The following LRRC3B variants were observed in gnomAD, a reference collection of about 807,000 sequenced individuals.
The protein encoded by LRRC3B is leucine-rich repeat-containing protein 3B.
In LRRC3B, 2 loss-of-function variants were observed where a neutral mutation model predicts 12.8. That is an observed-to-expected ratio of 0.16 (90% CI 0.06 to 0.49). LRRC3B has a LOEUF of 0.49. LRRC3B is among the 20% of genes least tolerant of loss of function. The pLI is 0.96. For missense variants in LRRC3B, 189 were observed against 319.4 expected (o/e 0.59, Z 3.11); for synonymous variants, 132 against 122.0 (o/e 1.08, Z -0.54).
At chr3:26,663,308 T>C (rs1228954791) in intron 1 of LRRC3B, among the ~76,000 whole-genome samples, 1 of 152,212 alleles carries the variant, frequency 6.6e-6, no homozygotes, top group Non-Finnish European at 1.5e-5. Context: ...ACATTAATCA[T>C]GTTTTTCATT....
At chr3:26,671,401 G>GAGAGAGAGAA (rs1699741099) in intron 1 of LRRC3B, among the ~76,000 whole-genome samples, 2 of 129,132 alleles carry the variant, frequency 1.5e-5, no homozygotes, top group Non-Finnish European at 3.2e-5. Context: ...GAGAGAGAGA[G>GAGAGAGAGAA]AGAGAGAGAG....
intron 1 of LRRC3B, among the ~76,000 whole-genome samples, chr3:26,657,288 A>G (rs1361002948): frequency 6.6e-6 from 1 of 152,232 alleles, no homozygotes; most frequent in Non-Finnish European, 1.5e-5. Context: ...TATAAACTCT[A>G]TGAGAGAACA....
At chr3:26,710,662 T>C in exon 2 of LRRC3B, 1 of 464,472 alleles carries the variant, frequency 2.2e-6, no homozygotes, top group Non-Finnish European at 3.9e-6. Context: ...CCCGATGGTA[T>C]ATTTCTGAGT....
At chr3:26,644,633 G>T (rs1699104078) in intron 1 of LRRC3B, among the ~76,000 whole-genome samples, 1 of 152,184 alleles carries the variant, frequency 6.6e-6, no homozygotes. Context: ...TATAATGTGT[G>T]ATTCATAATG....
exon 2 of LRRC3B, chr3:26,710,068 C>T (rs1378462110): frequency 6.2e-7 from 1 of 1,614,042 alleles, no homozygotes; most frequent in Non-Finnish European, 8.5e-7. Context: ...ACAAAAATGC[C>T]TTCAATAACC....
intron 1 of LRRC3B, among the ~76,000 whole-genome samples, chr3:26,642,709 C>T (rs1699056080): frequency 6.6e-6 from 1 of 152,122 alleles, no homozygotes; most frequent in Admixed American, 6.6e-5. Context: ...TATCACTACA[C>T]ATCAGCAGGA....
rs1202159814 is a variant in LRRC3B at position 26,636,864 on chromosome 3, CCCTT to C, written c.-161+13648_-161+13651del. Among the ~76,000 whole-genome samples, 336 of 66,912 alleles carry C rather than the reference CCCTT, an allele frequency of 5.0e-3. 30 individuals are homozygous for C. The highest frequency in any genetic ancestry group is 0.013 in the African/African-American group (178 of 13,694). 43.9% of individuals were successfully genotyped at this position (66,912 alleles called of 152,430 possible). A position where few individuals can be genotyped will look rare whatever the true frequency, so the allele number is the denominator to read the frequency against. On this transcript the variant is annotated intron_variant, in intron 1 of 1. Coordinates refer to ENST00000396641, the Ensembl canonical transcript of LRRC3B. ...TGCCTCCCTCCCTCCCTCCCTCCCT[CCCTT>C]CCTTCCTTCCTTCCTTCCTTTCTCT...
chr3:26,672,631 A>G (rs151022945), intron 1 of LRRC3B, among the ~76,000 whole-genome samples: 4 of 152,190 alleles, frequency 2.6e-5, no homozygotes, highest in Non-Finnish European at 4.4e-5. Flanking sequence ...GTAAAATCTC[A>G]AATTTATTAT....
At chr3:26,646,633 A>G (rs960885694) in intron 1 of LRRC3B, among the ~76,000 whole-genome samples, 8 of 146,664 alleles carry the variant, frequency 5.5e-5, no homozygotes, top group Non-Finnish European at 1.2e-4. Flanking sequence ...AAAAAAAAAA[A>G]AAACGGATTT....
chr3:26,707,079 G>T (rs377605476), intron 1 of LRRC3B, among the ~76,000 whole-genome samples: 1 of 151,924 alleles, frequency 6.6e-6, no homozygotes, highest in Admixed American at 6.6e-5. Context: ...TGTGCTAAGC[G>T]CAGTGGCTCA....
intron 1 of LRRC3B, among the ~76,000 whole-genome samples, chr3:26,703,405 A>G (rs1420023726): frequency 6.6e-6 from 1 of 152,098 alleles, no homozygotes; most frequent in African/African-American, 2.4e-5. Flanking sequence ...GGCAACCACC[A>G]TCCCTTGCTT....
At chr3:26,637,066 G>C (rs546237951) in intron 1 of LRRC3B, among the ~76,000 whole-genome samples, 1 of 149,304 alleles carries the variant, frequency 6.7e-6, no homozygotes, top group Admixed American at 6.8e-5. Flanking sequence ...GCGTGATCTC[G>C]GCTCACTGCA....
chr3:26,674,301 A>G (rs990280840), intron 1 of LRRC3B, among the ~76,000 whole-genome samples: 2 of 152,206 alleles, frequency 1.3e-5, no homozygotes, highest in African/African-American at 4.8e-5. Context: ...TCGTGCTGTC[A>G]TAGGACAGAA....
chr3:26,670,452 C>T (rs980443533), intron 1 of LRRC3B, among the ~76,000 whole-genome samples: 7 of 152,174 alleles, frequency 4.6e-5, no homozygotes, highest in Admixed American at 3.3e-4. Context: ...CATTCTACCA[C>T]TTATATCTTC....
At chr3:26,681,266 C>T (rs1580594) in intron 1 of LRRC3B, among the ~76,000 whole-genome samples, 129,244 of 152,196 alleles carry the variant, frequency 0.85, 55,467 homozygotes, top group East Asian at 1. Context: ...GTGTTGATTT[C>T]GTGGGGAGAA....
chr3:26,678,351 G>A (rs1699904280), intron 1 of LRRC3B, among the ~76,000 whole-genome samples: 1 of 152,062 alleles, frequency 6.6e-6, no homozygotes, highest in Non-Finnish European at 1.5e-5. Context: ...AAAATTAGCT[G>A]GGTGTGGTGG....
At chr3:26,634,439 T>TC (rs1396536378) in intron 1 of LRRC3B, among the ~76,000 whole-genome samples, 1 of 152,236 alleles carries the variant, frequency 6.6e-6, no homozygotes, top group Non-Finnish European at 1.5e-5. Context: ...GGTGTAGTTT[T>TC]CCCCTTTATT....
At chr3:26,671,266 C>T (rs1699721177) in intron 1 of LRRC3B, among the ~76,000 whole-genome samples, 1 of 144,792 alleles carries the variant, frequency 6.9e-6, no homozygotes, top group African/African-American at 2.6e-5. Context: ...CCGCCCGCCT[C>T]GGCCTCCCAA....
At chr3:26,650,219 A>G (rs1386573418) in intron 1 of LRRC3B, among the ~76,000 whole-genome samples, 1 of 152,104 alleles carries the variant, frequency 6.6e-6, no homozygotes, top group African/African-American at 2.4e-5. Flanking sequence ...AATATCTGTC[A>G]CCTGCTCTCA....
Sources: allele counts gnomAD v4.1 joint callset (sites outside exome capture counted in the v4.1 genomes callset), GRCh38; gene constraint gnomAD v4.1.1; transcripts MANE v1.5; gene names NCBI Gene and HGNC (gene_info 2026-07-23, HGNC 2026-07-21).